Variants in TLL1 observed in about 807,000 individuals in gnomAD.
TLL1 encodes the protein tolloid like 1.
A neutral mutation model predicts 128.2 loss-of-function variants in TLL1; 49 were observed. The observed-to-expected ratio is 0.38, with a 90% confidence interval of 0.30 to 0.48. The LOEUF (loss-of-function observed/expected upper bound fraction) is 0.48, where lower values mean the gene tolerates loss of function less well. Among genes scored for constraint, TLL1 ranks in the 20% least tolerant of loss-of-function variants. The pLI is 0.96. For synonymous variants in TLL1, 454 were observed against 418.8 expected (o/e 1.08, Z -1.03); for missense variants, 1,123 against 1,242.0 (o/e 0.90, Z 1.44).
intron 1 of TLL1, among the ~76,000 whole-genome samples, chr4:165,961,657 A>G (rs1219681610): frequency 1.3e-5 from 2 of 152,160 alleles, no homozygotes; most frequent in Non-Finnish European, 2.9e-5. Flanking sequence ...GAACCCAGAA[A>G]CAAAGCTGCA....
chr4:166,017,380 A>G (rs913134539), intron 8 of TLL1, among the ~76,000 whole-genome samples: 4 of 152,048 alleles, frequency 2.6e-5, no homozygotes, highest in Admixed American at 2.6e-4. Context: ...GCTATTGTGT[A>G]CAGTGCTGCG....
chr4:166,005,780 A>G (rs1452267790), intron 6 of TLL1, among the ~76,000 whole-genome samples: 1 of 152,018 alleles, frequency 6.6e-6, no homozygotes, highest in South Asian at 2.1e-4. Flanking sequence ...TAAAAGATGT[A>G]ACTTTCAAAA....
chr4:165,947,725 G>T (rs544847570), intron 1 of TLL1, among the ~76,000 whole-genome samples: 1 of 152,206 alleles, frequency 6.6e-6, no homozygotes, highest in Non-Finnish European at 1.5e-5. Flanking sequence ...GGTGCTTCTA[G>T]AAATCTGAAG....
At chr4:166,050,729 G>A (rs1479941775) in intron 12 of TLL1, among the ~76,000 whole-genome samples, 3 of 152,246 alleles carry the variant, frequency 2.0e-5, no homozygotes, top group African/African-American at 7.2e-5. Context: ...TCACCCACAT[G>A]CACTGACCAC....
chr4:165,909,636 A>G (rs1486329524), intron 1 of TLL1, among the ~76,000 whole-genome samples: 2 of 152,192 alleles, frequency 1.3e-5, no homozygotes, highest in Non-Finnish European at 2.9e-5. Context: ...GGTTTGTTGA[A>G]ACATAACTTC....
Position 165,963,889 on chromosome 4 carries a change from T to C in TLL1, c.170-25492T>C, listed in dbSNP as rs73863504. On this transcript the variant is annotated intron_variant, in intron 1 of 20. Transcript: ENST00000061240. ...GAATGGAAGACATGGAGATATCAGT[T>C]CAGCTGCACGTTATTAAAAATTTCA... is the stretch of plus-strand genomic sequence containing the variant. 5.2e-3 allele frequency among the ~76,000 whole-genome samples: 790 copies of C among 152,226 alleles called. 12 individuals carry two copies. The highest frequency in any genetic ancestry group is 0.018 in the African/African-American group (736 of 41,528).
intron 1 of TLL1, among the ~76,000 whole-genome samples, chr4:165,951,891 A>T (rs944102110): frequency 5.9e-5 from 9 of 152,072 alleles, no homozygotes; most frequent in African/African-American, 2.2e-4. Flanking sequence ...TTTTCTTTTT[A>T]TAGCAATGTT....
chr4:165,926,787 C>T (rs1010070544), intron 1 of TLL1, among the ~76,000 whole-genome samples: 2 of 152,164 alleles, frequency 1.3e-5, no homozygotes, highest in African/African-American at 4.8e-5. Flanking sequence ...GCTTTACTGG[C>T]AACTCTGTCG....
At chr4:165,880,040 A>C (rs1420917934) in intron 1 of TLL1, among the ~76,000 whole-genome samples, 1 of 152,174 alleles carries the variant, frequency 6.6e-6, no homozygotes, top group East Asian at 1.9e-4. Context: ...TTAATTATCT[A>C]TTGAATACTA....
At chr4:165,912,436 AGTGTCCGTGACCCAT>A (rs1732580609) in intron 1 of TLL1, among the ~76,000 whole-genome samples, 1 of 152,182 alleles carries the variant, frequency 6.6e-6, no homozygotes, top group African/African-American at 2.4e-5. Flanking sequence ...TTTCCTACTC[AGTGTCCGTGACCCAT>A]GTGAACAGCT....
chr4:165,976,300 G>A (rs1408355433), intron 1 of TLL1, among the ~76,000 whole-genome samples: 1 of 151,906 alleles, frequency 6.6e-6, no homozygotes, highest in African/African-American at 2.4e-5. Context: ...TTATATACAA[G>A]GAACACTTAG....
chr4:165,942,156 C>T (rs142220851), intron 1 of TLL1, among the ~76,000 whole-genome samples: 1,654 of 152,100 alleles, frequency 0.011, 13 homozygotes, highest in South Asian at 0.021. Flanking sequence ...GGCCATTTCT[C>T]TCCACAAACA....
At chr4:166,085,522 T>G (rs543550983) in intron 18 of TLL1, among the ~76,000 whole-genome samples, 38 of 152,180 alleles carry the variant, frequency 2.5e-4, no homozygotes, top group African/African-American at 3.4e-4. Context: ...AATGCTTTTT[T>G]CTATTAATAT....
intron 19 of TLL1, among the ~76,000 whole-genome samples, chr4:166,094,755 G>T (rs1233476048): frequency 6.6e-6 from 1 of 151,832 alleles, no homozygotes; most frequent in African/African-American, 2.4e-5. Flanking sequence ...TCTTTTTTCT[G>T]TTACTTTCTA....
intron 5 of TLL1, among the ~76,000 whole-genome samples, chr4:165,999,837 C>T (rs1440194316): frequency 1.4e-4 from 21 of 151,908 alleles, no homozygotes; most frequent in Admixed American, 7.9e-4. Context: ...AGGTAAATGG[C>T]GATTAACCTA....
intron 15 of TLL1, among the ~76,000 whole-genome samples, chr4:166,064,112 A>G (rs78589211): frequency 6.6e-6 from 1 of 152,100 alleles, no homozygotes; most frequent in African/African-American, 2.4e-5. Flanking sequence ...TATAATGAGA[A>G]AGACTGCAAT....
chr4:165,987,143 G>T (rs2111006091), intron 1 of TLL1, among the ~76,000 whole-genome samples: 1 of 152,132 alleles, frequency 6.6e-6, no homozygotes, highest in South Asian at 2.1e-4. Flanking sequence ...CTGCTTCAGT[G>T]TCTAGTGGCC....
In TLL1 at chr4:165,925,974, A is replaced by G. The variant is rs80197782; in HGVS notation, c.169+51901A>G. Among the ~76,000 whole-genome samples, 728 of 152,338 alleles carry G rather than the reference A, an allele frequency of 4.8e-3. 5 individuals carry two copies. Among genetic ancestry groups the G allele is most frequent in the African/African-American group, 0.016 (648 of 41,574 alleles). ...TATACTTTTTTTTAGAGATAATTCT[A>G]TTGCACACTTAATAGACTACAGCGT... On this transcript the variant is annotated intron_variant, in intron 1 of 20. Transcript: ENST00000061240.
intron 1 of TLL1, among the ~76,000 whole-genome samples, chr4:165,950,263 A>G (rs925302425): frequency 2.0e-5 from 3 of 152,134 alleles, no homozygotes; most frequent in African/African-American, 7.2e-5. Context: ...TATTTTTACC[A>G]CAAATTATCA....
Sources: gnomAD v4.1 joint callset for allele counts (sites outside exome capture counted in the v4.1 genomes callset) on GRCh38, gnomAD v4.1.1 for gene constraint, MANE v1.5 for transcripts, NCBI Gene and HGNC (gene_info 2026-07-23, HGNC 2026-07-21) for gene names.